Variants in OGDHL observed in about 807,000 individuals in gnomAD.
The protein encoded by OGDHL is 2-oxoglutarate dehydrogenase-like, mitochondrial.
OGDHL carries 79 observed loss-of-function variants against 109.6 expected under a neutral mutation model. The observed-to-expected ratio is 0.72, with a 90% CI of 0.60 to 0.87. The LOEUF (loss-of-function observed/expected upper bound fraction) is 0.87, where lower values mean the gene tolerates loss of function less well. Among genes scored for constraint, OGDHL ranks in the 40% least tolerant of loss-of-function variants. The pLI is 0.00. For synonymous variants in OGDHL, 528 were observed against 537.2 expected, an observed-to-expected ratio of 0.98 and a Z score of 0.24; for missense variants, 1,275 against 1,362.2, an observed-to-expected ratio of 0.94 and a Z score of 1.01.
rs1378106185 is a variant in OGDHL at position 49,749,890 on chromosome 10, C to T, written c.897-74G>A. The T allele has an allele frequency of 1.0e-5, 13 of 1,293,016 alleles. 1 individual carries two copies. The highest frequency in any genetic ancestry group is 2.2e-4 in the Middle Eastern group (1 of 4,532). The allele number at this position is 1,293,016 out of a possible 1,614,324, so 80.1% of individuals were successfully genotyped here. ...AGGGTTCCCTCCCCCACTGTGGAGG[C>T]CTGGCCTGGCCTAATACAGCCCCTT... is the stretch of plus-strand genomic sequence containing the variant. On this transcript the variant is annotated intron_variant, in intron 7 of 22. Transcript: ENST00000374103.
chr10:49,740,180 C>T (rs1841539446), intron 16 of OGDHL, among the ~76,000 whole-genome samples: 1 of 152,144 alleles, frequency 6.6e-6, no homozygotes, highest in African/African-American at 2.4e-5. Flanking sequence ...GAGGCATCTG[C>T]CTGGGGGCGG....
intron 7 of OGDHL, among the ~76,000 whole-genome samples, 167 bp from the exon 8 acceptor site, chr10:49,749,983 C>T (rs1842474055): frequency 1.3e-5 from 2 of 152,140 alleles, no homozygotes; most frequent in South Asian, 2.1e-4. Context: ...TGTAATGGCC[C>T]GAGGCTTAAA....
intron 13 of OGDHL, among the ~76,000 whole-genome samples, 180 bp downstream of exon 13, chr10:49,744,470 G>A (rs1842031225): frequency 1.3e-5 from 2 of 152,130 alleles, no homozygotes; most frequent in Admixed American, 1.3e-4. Flanking sequence ...ATGCTCAGAG[G>A]GCAATGCTAT....
chr10:49,739,582 C>G, intron 17 of OGDHL, 79 bp downstream of exon 17: 1 of 1,530,142 alleles, frequency 6.5e-7, no homozygotes, highest in Non-Finnish European at 8.8e-7. Context: ...TCCAACCCGA[C>G]AAGGGGCCCA....
chr10:49,741,687 A>T (rs1282115063), intron 15 of OGDHL, among the ~76,000 whole-genome samples: 1 of 149,126 alleles, frequency 6.7e-6, no homozygotes, highest in Non-Finnish European at 1.5e-5. Context: ...CCACACACAC[A>T]TACACATCCC....
At chr10:49,735,475 C>CCT in intron 22 of OGDHL, 124 bp from the exon 23 acceptor site, 1 of 1,139,780 alleles carries the variant, frequency 8.8e-7, no homozygotes, top group Non-Finnish European at 1.2e-6. Flanking sequence ...ATAGACCCTG[C>CCT]CTTTTGGCCC....
intron 3 of OGDHL, 92 bp downstream of exon 3, chr10:49,756,684 T>A (rs1842935148): frequency 1.6e-6 from 2 of 1,251,532 alleles, no homozygotes; most frequent in African/African-American, 3.0e-5. Flanking sequence ...TCTGGGGAGA[T>A]GATGTTGGAG....
intron 17 of OGDHL, 86 bp downstream of exon 17, chr10:49,739,575 A>G: frequency 1.3e-6 from 2 of 1,513,402 alleles, no homozygotes; most frequent in Non-Finnish European, 1.8e-6. Context: ...TATACCGTCC[A>G]ACCCGACAAG....
intron 2 of OGDHL, among the ~76,000 whole-genome samples, chr10:49,757,966 C>T (rs80293074): frequency 0.052 from 7,874 of 152,312 alleles, 301 homozygotes; most frequent in African/African-American, 0.098. Context: ...GACTGCACTG[C>T]TTTCCACTGC....
At position 49,735,349 on chromosome 10, in the gene OGDHL, T is replaced by C. The variant is rs1159997945; in HGVS notation, c.2912A>G (p.Tyr971Cys). Residue 971 changes from tyrosine to cysteine, a missense_variant and splice_region_variant, in exon 23 of 23, where the codon TAT becomes TGT. Coordinates refer to ENST00000374103, the MANE Select transcript of OGDHL (RefSeq NM_018245.3). ...TGCAGCCGCTGGGTCCCGGCCAACA[T>C]ACCTGGAGGAGGAGAGACAAGCTAA... ...TILRRARPIWYVGRDPAAAPA... is the reference protein window; with the variant it reads ...TILRRARPIWCVGRDPAAAPA... The C allele has an allele frequency of 1.2e-6, 2 of 1,612,538 alleles. No homozygotes were observed. Among genetic ancestry groups the C allele is most frequent in the Admixed American group, 1.7e-5 (1 of 59,970 alleles).
chr10:49,757,543 A>G (rs1842989619), intron 2 of OGDHL, among the ~76,000 whole-genome samples: 1 of 152,214 alleles, frequency 6.6e-6, no homozygotes, highest in African/African-American at 2.4e-5. Flanking sequence ...CTGCAGGTGC[A>G]AGATGATGAA....
intron 6 of OGDHL, among the ~76,000 whole-genome samples, chr10:49,751,405 C>T (rs1235784443): frequency 2.0e-5 from 3 of 151,512 alleles, no homozygotes; most frequent in African/African-American, 4.8e-5. Flanking sequence ...CTCAGGAATC[C>T]ACTTTGCATC....
Position 49,748,431 on chromosome 10 carries a change from A to C in OGDHL, c.988-1223T>G, listed in dbSNP as rs192979403. ...AACACAACAGAAGCACACAAACAAAATTGGCCACAAGAATGGAGTCTCACT... is the reference window on the plus strand; with the variant it reads ...AACACAACAGAAGCACACAAACAAACTTGGCCACAAGAATGGAGTCTCACT... On this transcript the variant is annotated intron_variant, in intron 8 of 22. Coordinates refer to ENST00000374103, the MANE Select transcript of OGDHL (RefSeq NM_018245.3). 3.1e-4 allele frequency among the ~76,000 whole-genome samples: 47 copies of C among 152,330 alleles called. 1 individual carries two copies. Among genetic ancestry groups the C allele is most frequent in the Non-Finnish European group, 3.5e-4 (24 of 68,044 alleles).
chr10:49,756,768 C>T lies in OGDHL; in HGVS notation c.375+8G>A. ...AGCCTCCCAGGCTGTGCCTCAGCTGCCCCTCACCTGGTAGGCCCGGATCAG... is the reference window on the plus strand; with the variant it reads ...AGCCTCCCAGGCTGTGCCTCAGCTGTCCCTCACCTGGTAGGCCCGGATCAG... On this transcript the variant is annotated splice_region_variant and intron_variant, in intron 3 of 22. Coordinates refer to ENST00000374103, the MANE Select transcript of OGDHL (RefSeq NM_018245.3). 3.1e-6 allele frequency: 5 copies of T among 1,610,234 alleles called. No individual in the cohort carries two copies. The highest frequency in any genetic ancestry group is 3.4e-6 in the Non-Finnish European group (4 of 1,177,970).
chr10:49,761,011 G>T (rs1843240346), intron 1 of OGDHL, among the ~76,000 whole-genome samples: 1 of 152,232 alleles, frequency 6.6e-6, no homozygotes, highest in Admixed American at 6.5e-5. Context: ...ACTGGGCACT[G>T]TTGTGACCTT....
At position 49,736,096 on chromosome 10, in the gene OGDHL, G is replaced by C; in HGVS notation, c.2836C>G (p.His946Asp). The C allele has an allele frequency of 6.2e-7, 1 of 1,612,506 alleles. No homozygotes were observed. Among genetic ancestry groups the C allele is most frequent in the South Asian group, 1.1e-5 (1 of 90,800 alleles). ...GAELAWCQEE[H>D]KNMGYYDYIS... The stretch of plus-strand genomic sequence containing the variant: ...TAGTCATAGTAGCCCATGTTCTTGT[G>C]CTCCTCCTGACACCAGGCCAGCTCC... Residue 946 changes from histidine (H) to aspartate (D), a missense_variant, in exon 22 of 23, where the codon CAC becomes GAC. Coordinates refer to ENST00000374103, the MANE Select transcript of OGDHL (RefSeq NM_018245.3).
At chr10:49,752,316 GC>G in intron 4 of OGDHL, 68 bp from the exon 5 acceptor site, 1 of 1,184,196 alleles carries the variant, frequency 8.4e-7, no homozygotes, top group Non-Finnish European at 1.2e-6. Flanking sequence ...CCCAGGTGGA[GC>G]CCCGCAGTCT....
intron 3 of OGDHL, among the ~76,000 whole-genome samples, chr10:49,753,500 G>T (rs1364228568): frequency 1.3e-5 from 2 of 152,172 alleles, no homozygotes; most frequent in Non-Finnish European, 2.9e-5. Context: ...AATACAGAGA[G>T]AAACCATTCC....
In OGDHL at chr10:49,742,990, G is replaced by A; in HGVS notation, c.1862-12C>T. ...AATGCGAGAGAGGCCTGTGGGAAAG[G>A]AGTGCTGGCCTGAGGGCCAAGGGAC... On this transcript the variant is annotated splice_polypyrimidine_tract_variant and intron_variant, in intron 14 of 22. Transcript: ENST00000374103. 6.2e-7 allele frequency: 1 copy of A among 1,611,268 alleles called. No homozygotes were observed. The highest frequency in any genetic ancestry group is 8.5e-7 in the Non-Finnish European group (1 of 1,179,790).
Sources: allele counts gnomAD v4.1 joint callset (sites outside exome capture counted in the v4.1 genomes callset), GRCh38; gene constraint gnomAD v4.1.1; transcripts MANE v1.5; gene names NCBI Gene and HGNC (gene_info 2026-07-23, HGNC 2026-07-21).